RBFOX3: variants seen among roughly 807,000 people sequenced by gnomAD.
RBFOX3 encodes RNA binding fox-1 homolog 3.
In RBFOX3, 17 loss-of-function variants were observed where a neutral mutation model predicts 48.7. The observed-to-expected ratio is 0.35, with a 90% confidence interval of 0.24 to 0.52. The LOEUF (loss-of-function observed/expected upper bound fraction) is 0.52. RBFOX3 is among the 20% of genes least tolerant of loss of function. The pLI, the probability that RBFOX3 is intolerant of heterozygous loss-of-function variation, is 0.94. For missense variants in RBFOX3, 382 were observed against 497.5 expected (o/e 0.77, Z 2.21); for synonymous variants, 212 against 209.5 (o/e 1.01, Z -0.10).
chr17:79,568,051 G>A (rs2092533868), intron 1 of RBFOX3, among the ~76,000 whole-genome samples: 1 of 152,164 alleles, frequency 6.6e-6, no homozygotes, highest in Admixed American at 6.5e-5. Flanking sequence ...CAGTCACACT[G>A]CGTGTACTTG....
intron 2 of RBFOX3, among the ~76,000 whole-genome samples, chr17:79,352,924 C>T (rs1045009276): frequency 1.3e-5 from 2 of 152,202 alleles, no homozygotes; most frequent in Admixed American, 6.5e-5. Context: ...CACACTCCAG[C>T]GAGCACTGCC....
At chr17:79,655,193 A>C in the RBFOX3 span, among the ~76,000 whole-genome samples, 1 of 152,128 alleles carries the variant, frequency 6.6e-6, no homozygotes, top group Non-Finnish European at 1.5e-5. Context: ...AAAGCCCTGC[A>C]CCCGGACCAG....
rs573859837 is a variant in RBFOX3 at position 79,187,755 on chromosome 17, G to A, written c.-34+48011C>T. On this transcript the variant is annotated intron_variant, in intron 4 of 14. Coordinates refer to ENST00000693108, the MANE Select transcript of RBFOX3 (RefSeq NM_001350451.2). ...ATTCAGCAGCCAGGGCAACAGGGTTGGAGTCAGGGAGAAGCCCCCACTCAG... is the reference window on the plus strand; with the variant it reads ...ATTCAGCAGCCAGGGCAACAGGGTTAGAGTCAGGGAGAAGCCCCCACTCAG... 7.2e-5 allele frequency among the ~76,000 whole-genome samples: 11 copies of A among 152,270 alleles called. No individual in the cohort carries two copies. In the East Asian group the frequency reaches 1.7e-3, roughly 24 times the overall value.
At chr17:79,112,904 C>CGGCGGG (rs1307784460) in intron 5 of RBFOX3, among the ~76,000 whole-genome samples, 85 of 10,296 alleles carry the variant, frequency 8.3e-3, no homozygotes, top group East Asian at 0.03. Context: ...AGCAGGCTCT[C>CGGCGGG]GGGGGGGGGG....
intron 4 of RBFOX3, among the ~76,000 whole-genome samples, chr17:79,211,328 C>T (rs970605157): frequency 1.3e-5 from 2 of 152,216 alleles, no homozygotes; most frequent in Non-Finnish European, 2.9e-5. Flanking sequence ...CGCCAGCCTC[C>T]GCCACCTCCT....
chr17:79,532,466 T>G lies in RBFOX3; in HGVS notation c.-319-49868A>C, dbSNP rs983564939. On this transcript the variant is annotated intron_variant, in intron 1 of 14. Transcript: ENST00000693108. ...CCAGAGCTGATGAGGTTGCAGGGGC[T>G]GCAGAGATGGACAGAAAGGGTCAGA... 1.9e-3 allele frequency among the ~76,000 whole-genome samples: 286 copies of G among 152,280 alleles called. 7 individuals carry two copies. In the Middle Eastern group the frequency reaches 0.024, roughly 13 times the overall value.
At position 79,548,896 on chromosome 17, in the gene RBFOX3, T is replaced by C. The variant is rs75730249; in HGVS notation, c.-320+61930A>G. Among the ~76,000 whole-genome samples, 1,412 of 152,364 alleles carry C rather than the reference T, an allele frequency of 9.3e-3. 17 individuals are homozygous for C. The highest frequency in any genetic ancestry group is 0.032 in the African/African-American group (1,327 of 41,584). Reference sequence around the variant, plus strand: ...AAAGCCTGCAAGCTAGCAAGTGCCATCACTCCCTCGCTAGATACCATGGTA... The same window carrying C: ...AAAGCCTGCAAGCTAGCAAGTGCCACCACTCCCTCGCTAGATACCATGGTA... On this transcript the variant is annotated intron_variant, in intron 1 of 14. Transcript: ENST00000693108.
At chr17:79,409,858 C>T (rs1003525969) in intron 2 of RBFOX3, among the ~76,000 whole-genome samples, 1 of 152,226 alleles carries the variant, frequency 6.6e-6, no homozygotes, top group Non-Finnish European at 1.5e-5. Flanking sequence ...AGACACCCCC[C>T]CATCCACCCA....
At chr17:79,637,495 A>C in the RBFOX3 span, among the ~76,000 whole-genome samples, 29 of 151,888 alleles carry the variant, frequency 1.9e-4, no homozygotes, top group Non-Finnish European at 3.5e-4. Flanking sequence ...GGAGTTCGAG[A>C]CCAGCCTGGC....
chr17:79,595,329 G>A (rs1039382741), intron 1 of RBFOX3, among the ~76,000 whole-genome samples: 4 of 152,302 alleles, frequency 2.6e-5, no homozygotes, highest in Non-Finnish European at 5.9e-5. Context: ...GTGCCCCAGC[G>A]AAGAACATGC....
the RBFOX3 span, among the ~76,000 whole-genome samples, chr17:79,658,472 C>T: frequency 6.9e-6 from 1 of 144,100 alleles, no homozygotes; most frequent in African/African-American, 2.9e-5. Context: ...CTCTCTCCCT[C>T]TCTCTTTCTC....
At chr17:79,645,032 T>C in the RBFOX3 span, among the ~76,000 whole-genome samples, 2 of 152,228 alleles carry the variant, frequency 1.3e-5, no homozygotes, top group Admixed American at 1.3e-4. Flanking sequence ...GTGTGTAATC[T>C]AGCAGTAAAC....
At chr17:79,640,214 A>G in the RBFOX3 span, among the ~76,000 whole-genome samples, 3 of 152,350 alleles carry the variant, frequency 2.0e-5, no homozygotes, top group African/African-American at 7.2e-5. Context: ...CCCATTCACA[A>G]TAGCAACAAA....
At chr17:79,382,496 T>C (rs2060046197) in intron 2 of RBFOX3, among the ~76,000 whole-genome samples, 1 of 152,214 alleles carries the variant, frequency 6.6e-6, no homozygotes, top group Admixed American at 6.5e-5. Flanking sequence ...GCAAACCTGT[T>C]TCCCATGTCC....
intron 2 of RBFOX3, among the ~76,000 whole-genome samples, chr17:79,454,267 C>T (rs1598762256): frequency 6.6e-6 from 1 of 152,144 alleles, no homozygotes; most frequent in East Asian, 1.9e-4. Flanking sequence ...AGGGCCCTCC[C>T]TTGAGGCCTC....
chr17:79,097,833 T>C lies in RBFOX3; in HGVS notation c.569-88A>G. On this transcript the variant is annotated intron_variant, in intron 9 of 14. Transcript: ENST00000693108. ...TGCCTGGGAACCCCAGCGACACCGG[T>C]GGAGCCCTTGGGAACATTCCCAGGG... 4 of 1,388,344 alleles carry C rather than the reference T, an allele frequency of 2.9e-6. No individual in the cohort carries two copies. The Admixed American group carries it at 7.9e-5, about 28-fold the overall frequency. The allele number at this position is 1,388,344 out of a possible 1,614,324, so 86.0% of individuals were successfully genotyped here.
In RBFOX3 at chr17:79,451,436, T is replaced by C. The variant is rs540147812; in HGVS notation, c.-175+31018A>G. Among the ~76,000 whole-genome samples, 8 of 152,236 alleles carry C rather than the reference T, an allele frequency of 5.3e-5. No homozygotes were observed. In the East Asian group the frequency reaches 1.2e-3, roughly 22 times the overall value. On this transcript the variant is annotated intron_variant, in intron 2 of 14. Transcript: ENST00000693108. ...CATCTCAGAAGCATCATCTTGGGGA[T>C]AGAGAGGAAGCTGGGGAAGTCTGTT...
At chr17:79,398,822 AAC>A (rs1314487187) in intron 2 of RBFOX3, among the ~76,000 whole-genome samples, 1 of 152,170 alleles carries the variant, frequency 6.6e-6, no homozygotes, top group Non-Finnish European at 1.5e-5. Context: ...TCGCCCACCC[AAC>A]ACACACAGTG....
chr17:79,182,797 G>A (rs1481290547), intron 4 of RBFOX3, among the ~76,000 whole-genome samples: 1 of 151,484 alleles, frequency 6.6e-6, no homozygotes, highest in Non-Finnish European at 1.5e-5. Context: ...CCGGCGCGCG[G>A]TCTGCGCTGC....
Sources: allele counts gnomAD v4.1 joint callset (sites outside exome capture counted in the v4.1 genomes callset), GRCh38; gene constraint gnomAD v4.1.1; transcripts MANE v1.5; gene names NCBI Gene and HGNC (gene_info 2026-07-23, HGNC 2026-07-21).